Variants in SLC28A1 observed in about 807,000 individuals in gnomAD.
The protein encoded by SLC28A1 is solute carrier family 28 member 1.
Under a neutral mutation model 74.8 loss-of-function variants are expected in SLC28A1, and 64 were observed. The ratio of observed to expected loss-of-function variants is 0.86; its 90% CI spans 0.70 to 1.05. The LOEUF (loss-of-function observed/expected upper bound fraction) is 1.05. SLC28A1 is among the 50% of genes least tolerant of loss of function. The pLI is 0.00. For synonymous variants in SLC28A1, 359 were observed against 335.0 expected (o/e 1.07, Z -0.78); for missense variants, 828 against 822.8 (o/e 1.01, Z -0.08).
chr15:84,922,202 GTC>G (rs1437586494), intron 11 of SLC28A1, among the ~76,000 whole-genome samples: 2 of 152,082 alleles, frequency 1.3e-5, no homozygotes, highest in African/African-American at 4.8e-5. Context: ...CACTTTAAAT[GTC>G]TCTCAGGTCC....
At chr15:84,951,439 T>TAAA in the SLC28A1 span, among the ~76,000 whole-genome samples, 3 of 116,110 alleles carry the variant, frequency 2.6e-5, no homozygotes, top group African/African-American at 8.2e-5. Context: ...AAAAAATAAT[T>TAAA]AAAAAAAAAA....
chr15:84,935,943 TGG>T lies in SLC28A1; in HGVS notation c.1581+426_1581+427del, dbSNP rs774858565. 6.4e-3 allele frequency among the ~76,000 whole-genome samples: 687 copies of T among 107,428 alleles called. 16 individuals are homozygous for T. The highest frequency in any genetic ancestry group is 0.02 in the African/African-American group (509 of 25,302). 70.5% of individuals were successfully genotyped at this position (107,428 alleles called of 152,430 possible). On this transcript the variant is annotated intron_variant, in intron 15 of 18. Coordinates refer to ENST00000394573, the MANE Select transcript of SLC28A1 (RefSeq NM_004213.5). ...ACACCCTCACTGTTTTGTTTTGGTT[TGG>T]TTTTTGTTTTTTTTTTTTTTTTTTT...
At position 84,921,808 on chromosome 15, in the gene SLC28A1, G is replaced by A. The variant is rs115197404; in HGVS notation, c.957+739G>A. On this transcript the variant is annotated intron_variant, in intron 11 of 18. Transcript: ENST00000394573. ...TTGTTTTTAGCCGATGAAGATAGAC[G>A]TGCTCTCAGATAAACTGTCAAAAAA... Among the ~76,000 whole-genome samples, 1,049 of 152,192 alleles carry A rather than the reference G, an allele frequency of 6.9e-3. 16 individuals carry two copies. The highest frequency in any genetic ancestry group is 0.024 in the African/African-American group (986 of 41,508).
intron 5 of SLC28A1, among the ~76,000 whole-genome samples, chr15:84,890,885 C>T (rs1051355695): frequency 7.2e-5 from 11 of 152,158 alleles, no homozygotes; most frequent in Non-Finnish European, 1.3e-4. Context: ...GTGATAGATA[C>T]TAAGGAGGGC....
the SLC28A1 span, among the ~76,000 whole-genome samples, chr15:84,964,514 T>C: frequency 6.6e-6 from 1 of 152,182 alleles, no homozygotes; most frequent in African/African-American, 2.4e-5. Flanking sequence ...TAACAGTGCA[T>C]TCAATAGAAA....
chr15:84,945,376 A>G lies in SLC28A1; in HGVS notation c.*176A>G, dbSNP rs2079167726. The stretch of plus-strand genomic sequence containing the variant: ...GAGTGTGCAGAGAGTGAGTGAGGAC[A>G]TAAGGAAGGACATGTCCCACTCCAT... On this transcript the variant is annotated 3_prime_UTR_variant, in exon 19 of 19. Coordinates refer to ENST00000394573, the MANE Select transcript of SLC28A1 (RefSeq NM_004213.5). The G allele has an allele frequency of 5.9e-6, 4 of 673,544 alleles. No homozygotes were observed. The highest frequency in any genetic ancestry group is 4.8e-5 in the South Asian group (3 of 61,906). The allele number at this position is 673,544 out of a possible 1,614,324, so 41.7% of individuals were successfully genotyped here.
chr15:84,923,910 C>T (rs1384492830), intron 11 of SLC28A1, 75 bp from the exon 12 acceptor site: 10 of 1,603,784 alleles, frequency 6.2e-6, no homozygotes, highest in Non-Finnish European at 7.7e-6. Context: ...CCCAGCTGCT[C>T]ACTGTGACCT....
chr15:84,965,554 G>C, the SLC28A1 span, among the ~76,000 whole-genome samples: 1 of 152,144 alleles, frequency 6.6e-6, no homozygotes, highest in African/African-American at 2.4e-5. Context: ...ACATGTCCTG[G>C]CCTCCTTTGC....
chr15:84,954,702 G>T, the SLC28A1 span, among the ~76,000 whole-genome samples: 1 of 152,160 alleles, frequency 6.6e-6, no homozygotes, highest in Admixed American at 6.5e-5. Flanking sequence ...TAGCACGTTG[G>T]CTTCCTCATT....
downstream of SLC28A1, among the ~76,000 whole-genome samples, chr15:84,946,901 G>A (rs1451612010): frequency 5.3e-5 from 8 of 152,146 alleles, no homozygotes; most frequent in African/African-American, 1.7e-4. Context: ...CAGGACCTGC[G>A]ATGCACCCTG....
At position 84,935,023 on chromosome 15, in the gene SLC28A1, C is replaced by G. The variant is rs1423062184; in HGVS notation, c.1215-3C>G. On this transcript the variant is annotated splice_polypyrimidine_tract_variant and splice_region_variant and intron_variant, in intron 13 of 18. Transcript: ENST00000394573. ...TAATGATCATTCTTGATCCCAACAACAGAGATGCTCAGAACCTCATAGAAG... is the reference window on the plus strand; with the variant it reads ...TAATGATCATTCTTGATCCCAACAAGAGAGATGCTCAGAACCTCATAGAAG... 1.2e-6 allele frequency: 2 copies of G among 1,613,646 alleles called. No individual in the cohort carries two copies. The highest frequency in any genetic ancestry group is 1.7e-6 in the Non-Finnish European group (2 of 1,179,664).
intron 6 of SLC28A1, among the ~76,000 whole-genome samples, chr15:84,902,197 A>G (rs1220662680): frequency 6.6e-6 from 1 of 152,176 alleles, no homozygotes; most frequent in African/African-American, 2.4e-5. Flanking sequence ...AATGCAAAGT[A>G]GGCAGGGTGC....
downstream of SLC28A1, among the ~76,000 whole-genome samples, chr15:84,946,113 T>TATATATATATATATATA (rs1555458478): frequency 1.9e-4 from 3 of 15,494 alleles, no homozygotes; most frequent in African/African-American, 4.9e-4. Context: ...TATATATATA[T>TATATATATATATATATA]TTTTTTTTTT....
At chr15:84,915,713 G>A (rs1968987673) in intron 9 of SLC28A1, among the ~76,000 whole-genome samples, 1 of 152,280 alleles carries the variant, frequency 6.6e-6, no homozygotes, top group African/African-American at 2.4e-5. Flanking sequence ...CACAGTGCTA[G>A]TGACTATCCC....
intron 9 of SLC28A1, among the ~76,000 whole-genome samples, chr15:84,910,607 A>C (rs1049640524): frequency 6.6e-6 from 1 of 152,230 alleles, no homozygotes; most frequent in Admixed American, 6.5e-5. Flanking sequence ...GCATGCCTGT[A>C]ATCCCAGCTA....
chr15:84,918,657 G>C lies in SLC28A1; in HGVS notation c.876+53G>C, dbSNP rs752047888. 8.8e-6 allele frequency: 12 copies of C among 1,361,996 alleles called. No individual in the cohort carries two copies. In the Admixed American group the frequency reaches 2.0e-4, roughly 23 times the overall value. The allele number at this position is 1,361,996 out of a possible 1,614,324, so 84.4% of individuals were successfully genotyped here. ...CTCTCCCAGAGTCACCAGCTCACAG[G>C]GTTCACACTGTCCCAGAATGCCTTG... On this transcript the variant is annotated intron_variant, in intron 10 of 18. Coordinates refer to ENST00000394573, the MANE Select transcript of SLC28A1 (RefSeq NM_004213.5).
At chr15:84,931,627 G>A (rs1407914176) in intron 12 of SLC28A1, among the ~76,000 whole-genome samples, 1 of 120,476 alleles carries the variant, frequency 8.3e-6, no homozygotes, top group East Asian at 2.7e-4. Flanking sequence ...ACTCCAGACT[G>A]GGCGACAGAG....
chr15:84,890,387 C>T, intron 4 of SLC28A1, 56 bp from the exon 5 acceptor site: 2 of 1,280,110 alleles, frequency 1.6e-6, no homozygotes, highest in Admixed American at 3.7e-5. Context: ...TGCTGAGGAT[C>T]TCCCCCAGAT....
At position 84,909,485 on chromosome 15, in the gene SLC28A1, A is replaced by G. The variant is rs1297988284; in HGVS notation, c.795+690A>G. On this transcript the variant is annotated intron_variant, in intron 9 of 18. Coordinates refer to ENST00000394573, the MANE Select transcript of SLC28A1 (RefSeq NM_004213.5). ...GTCTAATGGTGGAGCCCCAACCCTAATTTAAAAACAGGTCAGCCTGTGCGG... is the reference window on the plus strand; with the variant it reads ...GTCTAATGGTGGAGCCCCAACCCTAGTTTAAAAACAGGTCAGCCTGTGCGG... Among the ~76,000 whole-genome samples, 3 of 152,306 alleles carry G rather than the reference A, an allele frequency of 2.0e-5. No individual in the cohort carries two copies. In the East Asian group the frequency reaches 5.8e-4, roughly 29 times the overall value.
Sources: allele counts gnomAD v4.1 joint callset (sites outside exome capture counted in the v4.1 genomes callset), GRCh38; gene constraint gnomAD v4.1.1; transcripts MANE v1.5; gene names NCBI Gene and HGNC (gene_info 2026-07-23, HGNC 2026-07-21).